The following LRRC9 variants were observed in gnomAD, a reference collection of about 807,000 sequenced individuals.
LRRC9 encodes leucine rich repeat containing 9, also known as leucine-rich repeat-containing protein 9.
In LRRC9, 122 loss-of-function variants were observed where a neutral mutation model predicts 63.2. That is an observed-to-expected ratio of 1.93 (90% CI 1.67 to 2.24). The LOEUF (loss-of-function observed/expected upper bound fraction) is 2.24. Ranked by LOEUF, LRRC9 falls within the 30% of genes most tolerant of loss-of-function variation. LRRC9 has a pLI of 0.00. For synonymous variants in LRRC9, 366 were observed against 213.1 expected, an observed-to-expected ratio of 1.72 and a Z score of -6.25; for missense variants, 1,071 against 627.7, an observed-to-expected ratio of 1.71 and a Z score of -7.55.
chr14:59,980,063 G>C (rs1886766612), intron 15 of LRRC9, among the ~76,000 whole-genome samples: 1 of 151,948 alleles, frequency 6.6e-6, no homozygotes, highest in Admixed American at 6.6e-5. Flanking sequence ...ATCTTATCCT[G>C]TATGGATTCT....
chr14:59,926,082 A>T (rs1329267952), intron 1 of LRRC9, among the ~76,000 whole-genome samples: 2 of 152,188 alleles, frequency 1.3e-5, no homozygotes, highest in Non-Finnish European at 2.9e-5. Context: ...CTTCCCAGCC[A>T]TATGAAACTG....
intron 1 of LRRC9, among the ~76,000 whole-genome samples, chr14:59,921,955 G>A (rs897778399): frequency 4.6e-5 from 7 of 151,828 alleles, no homozygotes; most frequent in East Asian, 1.9e-4. Context: ...GTGATGGCAC[G>A]CGCCTGTAGT....
At chr14:59,999,901 A>AAGGG (rs1566863060) in intron 19 of LRRC9, among the ~76,000 whole-genome samples, 1 of 152,132 alleles carries the variant, frequency 6.6e-6, no homozygotes, top group Non-Finnish European at 1.5e-5. Context: ...GAAAAGAACT[A>AAGGG]AAAATAGAAC....
chr14:59,984,512 T>A (rs1887254463), intron 16 of LRRC9, among the ~76,000 whole-genome samples: 2 of 152,350 alleles, frequency 1.3e-5, no homozygotes, highest in African/African-American at 4.8e-5. Context: ...TCTCCTTTAG[T>A]ATAAATGTGT....
chr14:60,019,820 C>T (rs965324487), intron 26 of LRRC9, among the ~76,000 whole-genome samples: 7 of 150,236 alleles, frequency 4.7e-5, no homozygotes, highest in Non-Finnish European at 7.4e-5. Flanking sequence ...TACCTCCTTA[C>T]ACATTTTTGA....
intron 17 of LRRC9, among the ~76,000 whole-genome samples, chr14:59,989,226 AT>A (rs1044353456): frequency 1.3e-5 from 2 of 151,758 alleles, no homozygotes; most frequent in African/African-American, 4.8e-5. Context: ...TTAAATTTGA[AT>A]TTTTTAATCA....
intron 8 of LRRC9, among the ~76,000 whole-genome samples, chr14:59,949,391 T>G (rs1325708845): frequency 1.3e-5 from 2 of 150,698 alleles, no homozygotes; most frequent in Non-Finnish European, 1.5e-5. Flanking sequence ...TATTTGATTC[T>G]TCTCTCTTTT....
At chr14:60,043,934 T>C (rs1357710619) in intron 29 of LRRC9, among the ~76,000 whole-genome samples, 2 of 151,856 alleles carry the variant, frequency 1.3e-5, no homozygotes, top group African/African-American at 4.8e-5. Context: ...CATCAGGTAC[T>C]GGGCTTTTCT....
chr14:59,963,392 A>G (rs1019566873), intron 10 of LRRC9, among the ~76,000 whole-genome samples: 3 of 152,118 alleles, frequency 2.0e-5, no homozygotes, highest in African/African-American at 7.2e-5. Flanking sequence ...TGTGTTGCCA[A>G]TTGAGTTACC....
chr14:60,034,578 T>C (rs1892275099), intron 29 of LRRC9, among the ~76,000 whole-genome samples: 1 of 152,126 alleles, frequency 6.6e-6, no homozygotes, highest in African/African-American at 2.4e-5. Context: ...AGCTCCCACA[T>C]ATGAGTGAGG....
intron 30 of LRRC9, among the ~76,000 whole-genome samples, chr14:60,057,190 C>G (rs916324989): frequency 3.3e-5 from 5 of 152,140 alleles, no homozygotes; most frequent in African/African-American, 1.2e-4. Flanking sequence ...CACATATAAA[C>G]AAGGTCAGTC....
At chr14:60,057,305 C>T (rs1894357516) in intron 30 of LRRC9, among the ~76,000 whole-genome samples, 1 of 152,004 alleles carries the variant, frequency 6.6e-6, no homozygotes, top group Admixed American at 6.6e-5. Context: ...TACAAAAGCC[C>T]CTTAATCCTC....
Position 59,927,903 on chromosome 14 carries a change from C to T in LRRC9, c.-33-8C>T, listed in dbSNP as rs1449187682. On this transcript the variant is annotated splice_region_variant and splice_polypyrimidine_tract_variant and intron_variant, in intron 1 of 31. Coordinates refer to ENST00000445360, the Ensembl canonical transcript of LRRC9. This position sits in a 1 kb window ranked among gnomAD's most constrained non-coding sequence, Gnocchi z 4.4. ...ATATTTATTTCATTTTTTCATTTTC[C>T]TTAAAAGTTATAATATTATGATCAC... 4.7e-6 allele frequency: 3 copies of T among 638,616 alleles called. No individual in the cohort carries two copies. Among genetic ancestry groups the T allele is most frequent in the Admixed American group, 5.5e-5 (2 of 36,598 alleles). The allele number at this position is 638,616 out of a possible 1,614,324, so 39.6% of individuals were successfully genotyped here. A position where few individuals can be genotyped will look rare whatever the true frequency, so the allele number is the denominator to read the frequency against.
chr14:60,065,669 GTAAAA>G, downstream of LRRC9, among the ~76,000 whole-genome samples: 1 of 16,008 alleles, frequency 6.2e-5, no homozygotes, highest in African/African-American at 8.4e-5. Context: ...AAAAAAAACT[GTAAAA>G]GAGAGTAAAC....
At chr14:59,948,045 A>T (rs1882657648) in intron 8 of LRRC9, among the ~76,000 whole-genome samples, 1 of 141,734 alleles carries the variant, frequency 7.1e-6, no homozygotes, top group Non-Finnish European at 1.5e-5. Context: ...TTCTGTGAAG[A>T]AAGTCATTGG....
chr14:59,960,391 T>C (rs1884231759), intron 9 of LRRC9, among the ~76,000 whole-genome samples: 1 of 152,180 alleles, frequency 6.6e-6, no homozygotes, highest in Non-Finnish European at 1.5e-5. Flanking sequence ...AGTTATCAAT[T>C]AGAAATGTAA....
At chr14:59,951,498 C>T (rs1219855600) in intron 8 of LRRC9, among the ~76,000 whole-genome samples, 2 of 141,506 alleles carry the variant, frequency 1.4e-5, no homozygotes, top group Non-Finnish European at 3.1e-5. Flanking sequence ...TCTCTCAGCT[C>T]GTCAAAATCA....
chr14:60,042,211 G>A lies in LRRC9; in HGVS notation c.3990+10148G>A, dbSNP rs891878572. Among the ~76,000 whole-genome samples the A allele has an allele frequency of 5.3e-5, 8 of 152,222 alleles. No individual in the cohort carries two copies. The highest frequency in any genetic ancestry group is 4.6e-4 in the Admixed American group (7 of 15,292). ...ACTTGGGGGTCAGGGACCCACTTGA[G>A]GAGGCAGTCTGTCCGTTCTCAGATC... On this transcript the variant is annotated intron_variant, in intron 29 of 31. Transcript: ENST00000445360. The surrounding 1 kb of genome is among the most constrained non-coding windows in gnomAD (Gnocchi z 4.2).
chr14:60,032,519 A>C (rs142745918), intron 29 of LRRC9, among the ~76,000 whole-genome samples: 128 of 152,228 alleles, frequency 8.4e-4, no homozygotes, highest in African/African-American at 2.8e-3. Context: ...TTGATATTTT[A>C]ATTGGAATGA....
Sources: gnomAD v4.1 joint callset for allele counts (sites outside exome capture counted in the v4.1 genomes callset) on GRCh38, gnomAD v4.1.1 for gene constraint, Gnocchi (gnomAD v3.1) non-coding constraint, MANE v1.5 for transcripts, NCBI Gene and HGNC (gene_info 2026-07-23, HGNC 2026-07-21) for gene names.